The following KCNB2 variants were observed in gnomAD, a reference collection of about 807,000 sequenced individuals.
The protein encoded by KCNB2 is potassium voltage-gated channel subfamily B member 2.
In KCNB2, 15 loss-of-function variants were observed where a neutral mutation model predicts 61.5. The observed-to-expected ratio is 0.24, with a 90% CI of 0.16 to 0.38. The LOEUF (loss-of-function observed/expected upper bound fraction) is 0.38, where lower values mean the gene tolerates loss of function less well. KCNB2 is among the 10% of genes least tolerant of loss of function. The probability of loss-of-function intolerance (pLI) is 1.00; values close to 1 mark genes in which losing one functional copy is unlikely to be tolerated. For missense variants in KCNB2, 828 were observed against 1,125.2 expected, an observed-to-expected ratio of 0.74 and a Z score of 3.78; for synonymous variants, 457 against 446.0, an observed-to-expected ratio of 1.02 and a Z score of -0.31.
chr8:72,595,257 C>T, intron 2 of KCNB2, among the ~76,000 whole-genome samples: 1 of 151,888 alleles, frequency 6.6e-6, no homozygotes, highest in East Asian at 1.9e-4. Context: ...CATCATGTGT[C>T]TCTTGCCTCT....
intron 2 of KCNB2, among the ~76,000 whole-genome samples, chr8:72,673,180 G>T (rs1204654187): frequency 1.3e-5 from 2 of 152,146 alleles, no homozygotes; most frequent in African/African-American, 4.8e-5. Context: ...ACTAGCAAAT[G>T]AATAGATGAG....
chr8:72,727,940 CTTTA>C (rs550168775), intron 2 of KCNB2, among the ~76,000 whole-genome samples: 109 of 152,262 alleles, frequency 7.2e-4, no homozygotes, highest in Non-Finnish European at 8.4e-4. Context: ...CATTTATAGA[CTTTA>C]TTTGACTACC....
intron 2 of KCNB2, among the ~76,000 whole-genome samples, chr8:72,689,128 A>G (rs1434762572): frequency 6.6e-6 from 1 of 152,156 alleles, no homozygotes; most frequent in African/African-American, 2.4e-5. Flanking sequence ...ATATAAATGG[A>G]GATAGAGAGA....
intron 2 of KCNB2, among the ~76,000 whole-genome samples, chr8:72,792,886 G>T (rs1195527718): frequency 1.3e-5 from 2 of 152,078 alleles, no homozygotes; most frequent in Non-Finnish European, 2.9e-5. Flanking sequence ...TAAAACCATA[G>T]GTCCCGGAAT....
intron 2 of KCNB2, among the ~76,000 whole-genome samples, chr8:72,704,500 GGTGTGTGTGT>G (rs10524175): frequency 2.8e-4 from 42 of 147,648 alleles, no homozygotes; most frequent in African/African-American, 8.6e-4. Flanking sequence ...AGAGAAAGCT[GGTGTGTGTGT>G]GTGTGTGTGT....
chr8:72,894,848 G>A (rs1805964017), intron 2 of KCNB2, among the ~76,000 whole-genome samples: 1 of 152,186 alleles, frequency 6.6e-6, no homozygotes, highest in Admixed American at 6.5e-5. Flanking sequence ...TGGACATTCA[G>A]TGAGAACACA....
At chr8:72,746,921 T>C (rs1808082421) in intron 2 of KCNB2, among the ~76,000 whole-genome samples, 1 of 152,208 alleles carries the variant, frequency 6.6e-6, no homozygotes. Context: ...ACTATTCCAG[T>C]TCATTCCAAG....
chr8:72,588,989 T>C (rs1807046024), intron 2 of KCNB2, among the ~76,000 whole-genome samples: 1 of 152,170 alleles, frequency 6.6e-6, no homozygotes, highest in Non-Finnish European at 1.5e-5. Context: ...ACTCATAGTC[T>C]GATACCAGAT....
intron 2 of KCNB2, among the ~76,000 whole-genome samples, chr8:72,714,599 C>T (rs1163179407): frequency 6.6e-6 from 1 of 152,116 alleles, no homozygotes; most frequent in African/African-American, 2.4e-5. Context: ...ACTTTACAGA[C>T]AAGCAAATGC....
At chr8:72,715,602 T>C (rs1176090726) in intron 2 of KCNB2, among the ~76,000 whole-genome samples, 1 of 152,154 alleles carries the variant, frequency 6.6e-6, no homozygotes, top group Non-Finnish European at 1.5e-5. Context: ...AAAGATGTTC[T>C]TTGAAACCAA....
chr8:72,637,082 C>G (rs1440478448), intron 2 of KCNB2, among the ~76,000 whole-genome samples: 1 of 152,116 alleles, frequency 6.6e-6, no homozygotes, highest in African/African-American at 2.4e-5. Context: ...ACTATGCTTG[C>G]TAAGTGGTTT....
intron 2 of KCNB2, among the ~76,000 whole-genome samples, chr8:72,598,093 G>A (rs925640296): frequency 4.8e-5 from 7 of 145,008 alleles, no homozygotes; most frequent in Admixed American, 4.2e-4. Context: ...GTCCACCAAT[G>A]GTAGACTGGA....
chr8:72,548,707 T>C (rs897881494), intron 1 of KCNB2, among the ~76,000 whole-genome samples: 1 of 152,188 alleles, frequency 6.6e-6, no homozygotes, highest in Non-Finnish European at 1.5e-5. Flanking sequence ...TCTTTGACAA[T>C]ACAATTTCCT....
At chr8:72,620,810 G>C (rs139805840) in intron 2 of KCNB2, among the ~76,000 whole-genome samples, 1 of 152,012 alleles carries the variant, frequency 6.6e-6, no homozygotes, top group African/African-American at 2.4e-5. Flanking sequence ...GTTTCACCAC[G>C]TTGGCCAGGC....
At chr8:72,901,597 G>A (rs2129006630) in intron 2 of KCNB2, among the ~76,000 whole-genome samples, 1 of 152,136 alleles carries the variant, frequency 6.6e-6, no homozygotes, top group Middle Eastern at 3.4e-3. Context: ...CTCCATTTTG[G>A]ATGAGCCATA....
chr8:72,832,356 C>T (rs1261369666), intron 2 of KCNB2, among the ~76,000 whole-genome samples: 1 of 152,004 alleles, frequency 6.6e-6, no homozygotes, highest in Non-Finnish European at 1.5e-5. Context: ...ATTCCCTGAA[C>T]TTAGTAATTA....
At chr8:72,815,768 G>A (rs1242134566) in intron 2 of KCNB2, among the ~76,000 whole-genome samples, 1 of 152,114 alleles carries the variant, frequency 6.6e-6, no homozygotes, top group Non-Finnish European at 1.5e-5. Context: ...TACAGCAAGA[G>A]AGAGAATGAG....
chr8:72,571,316 C>G (rs998603421), intron 2 of KCNB2, among the ~76,000 whole-genome samples: 1 of 152,146 alleles, frequency 6.6e-6, no homozygotes, highest in African/African-American at 2.4e-5. Flanking sequence ...AAGTCAACTC[C>G]TATGGAACAT....
chr8:72,885,548 A>G (rs967659573), intron 2 of KCNB2, among the ~76,000 whole-genome samples: 3 of 152,150 alleles, frequency 2.0e-5, no homozygotes, highest in Admixed American at 2.0e-4. Flanking sequence ...TTTTCTAGGA[A>G]ATTATACATT....
Sources: gnomAD v4.1 joint callset for allele counts (sites outside exome capture counted in the v4.1 genomes callset) on GRCh38, gnomAD v4.1.1 for gene constraint, MANE v1.5 for transcripts, NCBI Gene and HGNC (gene_info 2026-07-23, HGNC 2026-07-21) for gene names.